The following ASTN1 variants were observed in gnomAD, a reference collection of about 807,000 sequenced individuals.
The protein encoded by ASTN1 is astrotactin-1.
Under a neutral mutation model 140.7 loss-of-function variants are expected in ASTN1, and 41 were observed. The ratio of observed to expected loss-of-function variants is 0.29; its 90% CI spans 0.23 to 0.38. The LOEUF (loss-of-function observed/expected upper bound fraction) is 0.38, where lower values mean the gene tolerates loss of function less well. ASTN1 is among the 10% of genes least tolerant of loss of function. The probability of loss-of-function intolerance (pLI) is 1.00; values close to 1 mark genes in which losing one functional copy is unlikely to be tolerated. For missense variants in ASTN1, 1,479 were observed against 1,678.8 expected, an observed-to-expected ratio of 0.88 and a Z score of 2.08; for synonymous variants, 640 against 652.2, an observed-to-expected ratio of 0.98 and a Z score of 0.29.
At chr1:177,027,745 TG>T (rs1676199690) in intron 5 of ASTN1, among the ~76,000 whole-genome samples, 1 of 150,864 alleles carries the variant, frequency 6.6e-6, no homozygotes, top group African/African-American at 2.4e-5. Context: ...TGTGTGTGTG[TG>T]TGTGTGTGTG....
chr1:177,164,483 T>C lies in ASTN1; in HGVS notation c.194A>G (p.Lys65Arg), dbSNP rs371672047. 2.6e-5 allele frequency: 42 copies of C among 1,613,412 alleles called. No homozygotes were observed. Among genetic ancestry groups the C allele is most frequent in the African/African-American group, 9.4e-5 (7 of 74,734 alleles). ...IMHSPSASEP[K>R]LLFSVRNDFP... ...GTCGTTGCGCACCGAGAAGAGGAGC[T>C]TGGGCTCCGAGGCCGAGGGGCTGTG... The change falls in exon 1 of 23, where the codon AAG becomes AGG. Residue 65 changes from lysine to arginine, a missense_variant. By Grantham distance (26) the Lys-to-Arg change is conservative. Transcript: ENST00000361833.
In ASTN1 at chr1:176,888,125, G is replaced by A. The variant is rs749519929; in HGVS notation, c.3020C>T (p.Ser1007Phe). The A allele has an allele frequency of 3.1e-6, 5 of 1,614,154 alleles. No homozygotes were observed. The South Asian group carries it at 4.4e-5, about 14-fold the overall frequency. The change falls in exon 18 of 23, where the codon TCC (serine) becomes TTC (phenylalanine). Residue 1007 changes from serine (S) to phenylalanine (F), a missense_variant. Coordinates refer to ENST00000361833, the MANE Select transcript of ASTN1 (RefSeq NM_004319.3). ...GAGTCCATCAGCTCCAAAAGCAGTG[G>A]AGTCACATCGACACCAGTCCTCGAT... Reference protein sequence around the residue: ...DVIEDWCRCDSTAFGADGLPT... With the variant: ...DVIEDWCRCDFTAFGADGLPT...
chr1:177,136,339 T>C (rs1682196300), intron 1 of ASTN1, among the ~76,000 whole-genome samples: 1 of 149,664 alleles, frequency 6.7e-6, no homozygotes, highest in Non-Finnish European at 1.5e-5. Flanking sequence ...GTTTTTTGTT[T>C]TTTTATTTTT....
chr1:176,915,906 T>C (rs775679673), intron 16 of ASTN1, among the ~76,000 whole-genome samples: 5 of 152,208 alleles, frequency 3.3e-5, no homozygotes, highest in African/African-American at 7.2e-5. Context: ...AAACATATGC[T>C]TGGAATGGCA....
intron 13 of ASTN1, 129 bp downstream of exon 13, chr1:176,945,797 T>C (rs1671930033): frequency 8.3e-6 from 7 of 845,454 alleles, no homozygotes; most frequent in Non-Finnish European, 1.2e-5. Flanking sequence ...AGGGTAAGAA[T>C]GTAGTCTATC....
chr1:177,029,591 T>C (rs772166564), intron 5 of ASTN1, 43 bp downstream of exon 5: 1 of 1,590,360 alleles, frequency 6.3e-7, no homozygotes, highest in Non-Finnish European at 8.6e-7. Context: ...CCTCCCTCAC[T>C]CCCAGATCCT....
At chr1:177,002,347 C>G (rs1028217549) in intron 8 of ASTN1, among the ~76,000 whole-genome samples, 4 of 150,964 alleles carry the variant, frequency 2.6e-5, no homozygotes, top group Non-Finnish European at 5.9e-5. Flanking sequence ...ACTACCGACC[C>G]TTAAATAATA....
At chr1:176,907,015 G>A (rs1030677294) in intron 16 of ASTN1, among the ~76,000 whole-genome samples, 1 of 152,180 alleles carries the variant, frequency 6.6e-6, no homozygotes, top group African/African-American at 2.4e-5. Context: ...TCATGTAGAA[G>A]CATTCATATA....
intron 16 of ASTN1, among the ~76,000 whole-genome samples, chr1:176,898,312 C>A (rs1669614612): frequency 1.3e-5 from 2 of 152,198 alleles, no homozygotes; most frequent in South Asian, 2.1e-4. Flanking sequence ...GGCCAAGACC[C>A]ACTGCCTTCT....
chr1:177,000,038 G>T (rs1261453052), intron 8 of ASTN1, among the ~76,000 whole-genome samples: 1 of 152,090 alleles, frequency 6.6e-6, no homozygotes, highest in African/African-American at 2.4e-5. Context: ...AAAGAAGAAG[G>T]GATAGCTAAT....
chr1:177,020,199 T>A (rs1218137506), intron 7 of ASTN1, among the ~76,000 whole-genome samples: 1 of 152,184 alleles, frequency 6.6e-6, no homozygotes, highest in Non-Finnish European at 1.5e-5. Flanking sequence ...ATCTTTTCTC[T>A]CCTTCCTTAG....
At chr1:177,038,398 G>A (rs565958394) in intron 2 of ASTN1, among the ~76,000 whole-genome samples, 3 of 152,304 alleles carry the variant, frequency 2.0e-5, no homozygotes, top group South Asian at 2.1e-4. Flanking sequence ...AGGTTAAAAC[G>A]CAGCGCCTGG....
chr1:177,122,177 G>A lies in ASTN1; in HGVS notation c.283+42217C>T, dbSNP rs227516. Among the ~76,000 whole-genome samples the A allele has an allele frequency of 6.4e-3, 973 of 152,230 alleles. 13 individuals are homozygous for A. Among genetic ancestry groups the A allele is most frequent in the African/African-American group, 0.022 (931 of 41,524 alleles). On this transcript the variant is annotated intron_variant, in intron 1 of 22. Transcript: ENST00000361833. ...AAATGAGTTGCAATAAGGAAGTAGC[G>A]AGGGTAAACTTTGTGTTGCAGAGGG... is the stretch of plus-strand genomic sequence containing the variant.
At chr1:177,002,418 T>C (rs374862458) in intron 8 of ASTN1, among the ~76,000 whole-genome samples, 1 of 128,898 alleles carries the variant, frequency 7.8e-6, no homozygotes, top group African/African-American at 2.9e-5. Flanking sequence ...CACACACACA[T>C]GAACAAATCA....
chr1:177,118,731 A>G (rs1360720836), intron 1 of ASTN1, among the ~76,000 whole-genome samples: 1 of 152,166 alleles, frequency 6.6e-6, no homozygotes, highest in African/African-American at 2.4e-5. Context: ...GTTTGCCAAT[A>G]TTACATGTGT....
chr1:176,886,960 T>C (rs11802597), intron 18 of ASTN1, among the ~76,000 whole-genome samples: 1,971 of 152,324 alleles, frequency 0.013, 40 homozygotes, highest in African/African-American at 0.045. Flanking sequence ...CTACAAGGGA[T>C]TCTTGTCTCA....
chr1:176,862,843 A>G lies in ASTN1; in HGVS notation c.*1441T>C. On this transcript the variant is annotated 3_prime_UTR_variant, in exon 23 of 23. Transcript: ENST00000361833. ...GTCACTACTACTATTTAGAAAAAAAACCAATATAGCTCAATGACTAGCCTT... is the reference window on the plus strand; with the variant it reads ...GTCACTACTACTATTTAGAAAAAAAGCCAATATAGCTCAATGACTAGCCTT... The G allele has an allele frequency of 2.0e-6, 2 of 985,438 alleles. No individual in the cohort carries two copies. Among genetic ancestry groups the G allele is most frequent in the South Asian group, 4.7e-5 (1 of 21,290 alleles). 61.0% of individuals were successfully genotyped at this position (985,438 alleles called of 1,614,324 possible).
intron 8 of ASTN1, among the ~76,000 whole-genome samples, chr1:177,007,112 GC>G (rs1675037755): frequency 6.6e-6 from 1 of 152,150 alleles, no homozygotes; most frequent in South Asian, 2.1e-4. Flanking sequence ...AATAAAAGGT[GC>G]CAGGTGCGGT....
intron 9 of ASTN1, among the ~76,000 whole-genome samples, chr1:176,959,430 C>A (rs986705107): frequency 5.3e-5 from 8 of 152,114 alleles, no homozygotes; most frequent in African/African-American, 1.9e-4. Flanking sequence ...CAGAATCCTG[C>A]TCCTTTCTCT....
Sources: gnomAD v4.1 joint callset for allele counts (sites outside exome capture counted in the v4.1 genomes callset) on GRCh38, gnomAD v4.1.1 for gene constraint, MANE v1.5 for transcripts, NCBI Gene and HGNC (gene_info 2026-07-23, HGNC 2026-07-21) for gene names.